Variants in NDUFB5 observed in about 807,000 individuals in gnomAD.
NDUFB5 encodes the protein NADH:ubiquinone oxidoreductase subunit B5.
NDUFB5 carries 19 observed loss-of-function variants against 19.4 expected under a neutral mutation model. The observed-to-expected ratio is 0.98, with a 90% confidence interval of 0.68 to 1.43. The LOEUF (loss-of-function observed/expected upper bound fraction) is 1.43. Among genes scored for constraint, NDUFB5 ranks in the 40% most tolerant of loss-of-function variants. NDUFB5 has a pLI of 0.00. For synonymous variants in NDUFB5, 80 were observed against 82.6 expected (o/e 0.97, Z 0.17); for missense variants, 233 against 236.5 (o/e 0.99, Z 0.10).
chr3:179,617,958 A>G (rs892680156), intron 4 of NDUFB5, among the ~76,000 whole-genome samples: 2 of 152,218 alleles, frequency 1.3e-5, no homozygotes, highest in African/African-American at 2.4e-5. Flanking sequence ...ATATCCCATC[A>G]TGTTTTATTA....
In NDUFB5 at chr3:179,624,320, T is replaced by G. The variant is rs1158955456; in HGVS notation, c.*280T>G. 3.9e-6 allele frequency: 1 copy of G among 257,240 alleles called. No homozygotes were observed. The highest frequency in any genetic ancestry group is 2.3e-5 in the African/African-American group (1 of 43,370). 15.9% of individuals were successfully genotyped at this position (257,240 alleles called of 1,614,324 possible). ...GTTTTATTTACCTGACAAATGGAAG[T>G]TATAGAAGTCTAATAATGTTAAGCA... is the stretch of plus-strand genomic sequence containing the variant. On this transcript the variant is annotated 3_prime_UTR_variant, in exon 6 of 6. Coordinates refer to ENST00000259037, the MANE Select transcript of NDUFB5 (RefSeq NM_002492.4).
At chr3:179,617,252 C>T (rs1719406825) in intron 4 of NDUFB5, 2 of 382,950 alleles carry the variant, frequency 5.2e-6, no homozygotes, top group Non-Finnish European at 9.5e-6. Context: ...ATTCTCATGC[C>T]TCAGTCTCCC....
At position 179,618,533 on chromosome 3, in the gene NDUFB5, G is replaced by T; in HGVS notation, c.449+12G>T. 5 of 1,570,682 alleles carry T rather than the reference G, an allele frequency of 3.2e-6. No homozygotes were observed. Among genetic ancestry groups the T allele is most frequent in the Non-Finnish European group, 4.4e-6 (5 of 1,144,824 alleles). ...AAGGCTGAATTACGGTAGGAAAAAC[G>T]AGGGGGTAGGTGGGAAAGAAAATCT... On this transcript the variant is annotated intron_variant, in intron 5 of 5. Coordinates refer to ENST00000259037, the MANE Select transcript of NDUFB5 (RefSeq NM_002492.4).
At chr3:179,616,858 A>G in intron 3 of NDUFB5, 125 bp from the exon 4 acceptor site, 1 of 675,030 alleles carries the variant, frequency 1.5e-6, no homozygotes, top group South Asian at 1.7e-5. Context: ...ACATATCTTC[A>G]TTGGTACAAA....
chr3:179,605,050 G>C, intron 1 of NDUFB5, 111 bp downstream of exon 1: 1 of 1,381,616 alleles, frequency 7.2e-7, no homozygotes, highest in Non-Finnish European at 9.4e-7. Flanking sequence ...ACAAGTTGTG[G>C]GCTTGGGGCT....
chr3:179,623,774 C>A, intron 5 of NDUFB5, 146 bp from the exon 6 acceptor site: 2 of 972,552 alleles, frequency 2.1e-6, no homozygotes, highest in Non-Finnish European at 3.1e-6. Context: ...AGATATATAC[C>A]AGATGTATGC....
chr3:179,627,015 G>C lies in NDUFB5; in HGVS notation c.*2975G>C, dbSNP rs527601368. 16 of 152,298 alleles carry C rather than the reference G, an allele frequency of 1.1e-4. No homozygotes were observed. The highest frequency in any genetic ancestry group is 3.1e-4 in the African/African-American group (13 of 41,548). 9.4% of individuals were successfully genotyped at this position (152,298 alleles called of 1,614,324 possible). ...TAAATGGCTCATAGTTCTGCAGACT[G>C]TACAGGAAGCATGGCACCAGCATTG... On this transcript the variant is annotated 3_prime_UTR_variant, in exon 6 of 6. Coordinates refer to ENST00000259037, the MANE Select transcript of NDUFB5 (RefSeq NM_002492.4).
At chr3:179,607,006 T>C (rs550032928) in intron 1 of NDUFB5, among the ~76,000 whole-genome samples, 10 of 152,324 alleles carry the variant, frequency 6.6e-5, no homozygotes, top group African/African-American at 2.4e-4. Flanking sequence ...TATAGCCAAA[T>C]ACAAATCCTT....
intron 4 of NDUFB5, chr3:179,617,254 C>G: frequency 2.7e-6 from 1 of 376,402 alleles, no homozygotes; most frequent in South Asian, 3.1e-5. Flanking sequence ...TCTCATGCCT[C>G]AGTCTCCCAC....
chr3:179,620,913 GTTTCCATGTTTCAGT>G (rs1032138537), intron 5 of NDUFB5, among the ~76,000 whole-genome samples: 2 of 152,092 alleles, frequency 1.3e-5, no homozygotes, highest in African/African-American at 4.8e-5. Context: ...TTCTTCATCA[GTTTCCATGTTTCAGT>G]TTTCCATGTT....
In NDUFB5 at chr3:179,626,191, T is replaced by G. The variant is rs1478353076; in HGVS notation, c.*2151T>G. 6.6e-6 allele frequency: 1 copy of G among 152,228 alleles called. No individual in the cohort carries two copies. Among genetic ancestry groups the G allele is most frequent in the Non-Finnish European group, 1.5e-5 (1 of 68,044 alleles). The allele number at this position is 152,228 out of a possible 1,614,324, so 9.4% of individuals were successfully genotyped here. ...TTTCCCTAATTATGGTTGAGCATTT[T>G]TTCACATATCTAATGGCCATTCATA... On this transcript the variant is annotated 3_prime_UTR_variant, in exon 6 of 6. Transcript: ENST00000259037.
In NDUFB5 at chr3:179,627,284, G is replaced by A. The variant is rs1175896441; in HGVS notation, c.*3244G>A. 2 of 152,184 alleles carry A rather than the reference G, an allele frequency of 1.3e-5. No homozygotes were observed. Among genetic ancestry groups the A allele is most frequent in the African/African-American group, 4.8e-5 (2 of 41,444 alleles). The allele number at this position is 152,184 out of a possible 1,614,324, so 9.4% of individuals were successfully genotyped here. On this transcript the variant is annotated 3_prime_UTR_variant, in exon 6 of 6. Transcript: ENST00000259037. ...CAATTCCCCCTGAGAAAGAGAAAGAGCTGGAGTCCTTTAAAAATTCACTGC... is the reference window on the plus strand; with the variant it reads ...CAATTCCCCCTGAGAAAGAGAAAGAACTGGAGTCCTTTAAAAATTCACTGC...
intron 1 of NDUFB5, among the ~76,000 whole-genome samples, chr3:179,606,072 G>A (rs147212797): frequency 2.9e-3 from 438 of 152,236 alleles, no homozygotes; most frequent in Non-Finnish European, 4.4e-3. Flanking sequence ...GATTATAGGC[G>A]TAAGCCACTG....
intron 1 of NDUFB5, among the ~76,000 whole-genome samples, chr3:179,613,456 A>T (rs1022243948): frequency 2.6e-5 from 4 of 152,148 alleles, no homozygotes; most frequent in East Asian, 1.9e-4. Flanking sequence ...TCCCAGCAAG[A>T]TCTATATCCC....
At chr3:179,611,262 A>G (rs1172155955) in intron 1 of NDUFB5, among the ~76,000 whole-genome samples, 1 of 152,166 alleles carries the variant, frequency 6.6e-6, no homozygotes, top group Non-Finnish European at 1.5e-5. Context: ...TGAAATGGAG[A>G]ATTTAACTCT....
intron 5 of NDUFB5, among the ~76,000 whole-genome samples, chr3:179,618,875 G>T (rs576141044): frequency 1.1e-4 from 17 of 151,372 alleles, no homozygotes; most frequent in African/African-American, 1.9e-4. Context: ...AATGGATAAA[G>T]ATAGAATTAG....
intron 1 of NDUFB5, among the ~76,000 whole-genome samples, chr3:179,606,973 A>G (rs1207862639): frequency 1.3e-5 from 2 of 152,226 alleles, no homozygotes; most frequent in African/African-American, 4.8e-5. Flanking sequence ...TTTATAAGCC[A>G]TTTCTGATTA....
intron 1 of NDUFB5, among the ~76,000 whole-genome samples, chr3:179,614,360 T>A (rs1719323042): frequency 6.6e-6 from 1 of 152,224 alleles, no homozygotes; most frequent in Admixed American, 6.5e-5. Flanking sequence ...TGTAGTTTGA[T>A]AACAAGTTCT....
intron 1 of NDUFB5, 43 bp from the exon 2 acceptor site, chr3:179,614,928 C>G: frequency 7.8e-7 from 1 of 1,276,732 alleles, no homozygotes; most frequent in South Asian, 1.3e-5. Context: ...AACAGTATAC[C>G]CATATGAACC....
Sources: gnomAD v4.1 joint callset for allele counts (sites outside exome capture counted in the v4.1 genomes callset) on GRCh38, gnomAD v4.1.1 for gene constraint, MANE v1.5 for transcripts, NCBI Gene and HGNC (gene_info 2026-07-23, HGNC 2026-07-21) for gene names.